Variants in PRKCH observed in about 807,000 individuals in gnomAD.
PRKCH encodes the protein protein kinase C eta type.
PRKCH carries 28 observed loss-of-function variants against 82.5 expected under a neutral mutation model. The observed-to-expected ratio is 0.34, with a 90% CI of 0.25 to 0.47. The LOEUF (loss-of-function observed/expected upper bound fraction) is 0.47. PRKCH is among the 20% of genes least tolerant of loss of function. The pLI is 1.00. For missense variants in PRKCH, 705 were observed against 881.8 expected (o/e 0.80, Z 2.54); for synonymous variants, 322 against 327.4 (o/e 0.98, Z 0.18).
intron 1 of PRKCH, among the ~76,000 whole-genome samples, chr14:61,230,123 A>G (rs543043551): frequency 6.6e-6 from 1 of 152,200 alleles, no homozygotes; most frequent in Non-Finnish European, 1.5e-5. Flanking sequence ...CTCTCTCCAA[A>G]GCAAGCCTAG....
At chr14:61,419,380 G>A (rs534054507) in intron 2 of PRKCH, among the ~76,000 whole-genome samples, 3 of 152,284 alleles carry the variant, frequency 2.0e-5, no homozygotes, top group Admixed American at 6.5e-5. Flanking sequence ...AGCATGCTTG[G>A]TATTTTGGGC....
At chr14:61,205,094 AAC>A (rs2044511997) in intron 1 of PRKCH, among the ~76,000 whole-genome samples, 1 of 152,214 alleles carries the variant, frequency 6.6e-6, no homozygotes, top group South Asian at 2.1e-4. Context: ...AAAGATAAGA[AAC>A]ACTCATGACC....
Position 61,523,643 on chromosome 14 carries a change from T to A in PRKCH, c.1434-5432T>A, listed in dbSNP as rs193011312. On this transcript the variant is annotated intron_variant, in intron 10 of 13. Coordinates refer to ENST00000332981, the MANE Select transcript of PRKCH (RefSeq NM_006255.5). Reference sequence around the variant, plus strand: ...AGTATATGTTAACCACTGAAGACACTGTTATTCTTGTTATTCACAAAAGCT... The same window carrying A: ...AGTATATGTTAACCACTGAAGACACAGTTATTCTTGTTATTCACAAAAGCT... Among the ~76,000 whole-genome samples the A allele has an allele frequency of 4.7e-4, 72 of 152,340 alleles. No homozygotes were observed. In the East Asian group the frequency reaches 0.013, roughly 27 times the overall value.
chr14:61,383,819 A>G (rs1043260898), intron 1 of PRKCH, among the ~76,000 whole-genome samples: 6 of 151,984 alleles, frequency 3.9e-5, no homozygotes, highest in African/African-American at 1.4e-4. Context: ...TTAAAAAGTG[A>G]TTTTTTTCTT....
At chr14:61,488,092 T>C (rs1886305761) in intron 10 of PRKCH, among the ~76,000 whole-genome samples, 1 of 150,946 alleles carries the variant, frequency 6.6e-6, no homozygotes, top group Non-Finnish European at 1.5e-5. Flanking sequence ...GGGCGGAGCC[T>C]GCAGTGAGCC....
chr14:61,221,382 C>T (rs558211216), intron 1 of PRKCH, among the ~76,000 whole-genome samples: 2 of 152,088 alleles, frequency 1.3e-5, no homozygotes, highest in African/African-American at 4.8e-5. Context: ...ATCTATTAGC[C>T]CTGCTTTTTC....
chr14:61,407,049 C>G (rs17834514), intron 2 of PRKCH, among the ~76,000 whole-genome samples: 4,504 of 152,178 alleles, frequency 0.03, 111 homozygotes, highest in Non-Finnish European at 0.049. Flanking sequence ...TGGGATGTAT[C>G]TGCTACTCAG....
Position 61,321,894 on chromosome 14 carries a change from T to G in PRKCH, c.-208T>G, listed in dbSNP as rs2045629603. 1 of 515,832 alleles carries G rather than the reference T, an allele frequency of 1.9e-6. No individual in the cohort carries two copies. Among genetic ancestry groups the G allele is most frequent in the African/African-American group, 1.9e-5 (1 of 51,422 alleles). 32.0% of individuals were successfully genotyped at this position (515,832 alleles called of 1,614,324 possible). On this transcript the variant is annotated 5_prime_UTR_variant, in exon 1 of 14. Transcript: ENST00000332981. The surrounding 1 kb of genome is among the most constrained non-coding windows in gnomAD (Gnocchi z 4.1). ...CTGAGGGCTCGGCGGCGGGCTCCCCTCCTTTCCACCTCGGGAGGGAGGGAA... is the reference window on the plus strand; with the variant it reads ...CTGAGGGCTCGGCGGCGGGCTCCCCGCCTTTCCACCTCGGGAGGGAGGGAA...
intron 1 of PRKCH, among the ~76,000 whole-genome samples, chr14:61,354,155 C>T (rs540502151): frequency 6.6e-6 from 1 of 152,170 alleles, no homozygotes; most frequent in Non-Finnish European, 1.5e-5. Flanking sequence ...ACAGAAGATA[C>T]TTGGAATTTC....
intron 2 of PRKCH, among the ~76,000 whole-genome samples, chr14:61,410,838 A>C (rs1352996788): frequency 6.6e-6 from 1 of 152,142 alleles, no homozygotes; most frequent in East Asian, 1.9e-4. Context: ...ATCACCTTCC[A>C]CTATCAACAC....
chr14:61,417,626 T>C (rs74057712), intron 2 of PRKCH, among the ~76,000 whole-genome samples: 1,931 of 152,320 alleles, frequency 0.013, 44 homozygotes, highest in African/African-American at 0.043. Flanking sequence ...GTTAGGCTTA[T>C]TTTTCATTCG....
chr14:61,425,178 A>G (rs191542915), intron 2 of PRKCH, among the ~76,000 whole-genome samples: 6 of 152,318 alleles, frequency 3.9e-5, no homozygotes, highest in Admixed American at 3.9e-4. Context: ...CAGAGACCCC[A>G]CCGTGGCACT....
intron 4 of PRKCH, among the ~76,000 whole-genome samples, chr14:61,446,387 T>A (rs1013878805): frequency 1.3e-5 from 2 of 152,244 alleles, no homozygotes; most frequent in African/African-American, 4.8e-5. Context: ...TCATTTGGGT[T>A]CCCCCTTAAC....
At chr14:61,241,596 CA>C (rs1252027377) in intron 1 of PRKCH, among the ~76,000 whole-genome samples, 1 of 124,258 alleles carries the variant, frequency 8.0e-6, no homozygotes, top group African/African-American at 2.9e-5. Context: ...ATAGGATGAC[CA>C]AATATGTATT....
intron 1 of PRKCH, among the ~76,000 whole-genome samples, chr14:61,333,091 A>G (rs752230065): frequency 3.9e-5 from 6 of 152,236 alleles, no homozygotes; most frequent in African/African-American, 7.2e-5. Context: ...CTAATTCCAT[A>G]AACAGAATAC....
At chr14:61,419,828 G>GTA (rs1267146255) in intron 2 of PRKCH, among the ~76,000 whole-genome samples, 4 of 152,222 alleles carry the variant, frequency 2.6e-5, no homozygotes, top group Non-Finnish European at 5.9e-5. Context: ...TATGTATTAT[G>GTA]TATACATTGT....
Position 61,200,266 on chromosome 14 carries a change from A to G in PRKCH, c.-19+12598A>G, listed in dbSNP as rs571090477. On this transcript the variant is annotated intron_variant, in intron 1 of 3. Coordinates refer to the PRKCH transcript ENST00000555185. ...GATTACCATAAGAGCTTAAAACCAT[A>G]GAAAAAAATGTCAGGGTTGGAAAAG... Among the ~76,000 whole-genome samples, 6 of 152,300 alleles carry G rather than the reference A, an allele frequency of 3.9e-5. 1 individual carries two copies. The South Asian group carries it at 1.2e-3, about 32-fold the overall frequency.
chr14:61,519,092 G>A (rs2042868054), intron 10 of PRKCH, among the ~76,000 whole-genome samples: 1 of 152,126 alleles, frequency 6.6e-6, no homozygotes, highest in Non-Finnish European at 1.5e-5. Context: ...GGACCAGCCT[G>A]GGCAATATAG....
At chr14:61,342,032 A>C (rs889910888) in intron 1 of PRKCH, among the ~76,000 whole-genome samples, 1 of 152,008 alleles carries the variant, frequency 6.6e-6, no homozygotes, top group African/African-American at 2.4e-5. Flanking sequence ...TGGTGAAGAT[A>C]GTTGTGACAG....
Sources: gnomAD v4.1 joint callset for allele counts (sites outside exome capture counted in the v4.1 genomes callset) on GRCh38, gnomAD v4.1.1 for gene constraint, Gnocchi (gnomAD v3.1) non-coding constraint, MANE v1.5 for transcripts, NCBI Gene and HGNC (gene_info 2026-07-23, HGNC 2026-07-21) for gene names.